The following MEIKIN variants were observed in gnomAD, a reference collection of about 807,000 sequenced individuals.
The protein encoded by MEIKIN is meiotic kinetochore factor, also known as meiosis-specific kinetochore protein.
chr5:131,896,245 G>A (rs920915928), intron 8 of MEIKIN, among the ~76,000 whole-genome samples: 1 of 152,196 alleles, frequency 6.6e-6, no homozygotes, highest in Non-Finnish European at 1.5e-5. Context: ...ACTGTGGTCT[G>A]AGAGACAGTT....
At chr5:131,829,311 C>T (rs1337923393) in intron 11 of MEIKIN, among the ~76,000 whole-genome samples, 1 of 152,140 alleles carries the variant, frequency 6.6e-6, no homozygotes, top group African/African-American at 2.4e-5. Context: ...ATTTCTATAA[C>T]ACGTACCCTT....
intron 11 of MEIKIN, among the ~76,000 whole-genome samples, chr5:131,825,650 A>C (rs1312653739): frequency 6.6e-6 from 1 of 152,208 alleles, no homozygotes; most frequent in Non-Finnish European, 1.5e-5. Context: ...CGGCATCAAA[A>C]ACAAGTATTT....
At position 131,939,762 on chromosome 5, in the gene MEIKIN, C is replaced by T. The variant is rs577463854; in HGVS notation, c.349+2873G>A. On this transcript the variant is annotated intron_variant, in intron 4 of 12. Transcript: ENST00000442687. ...AATCAGCAAATGAACTCTCAGAATA[C>T]AAGCAGTTTGTAAGTTAGAGACAAC... 1.3e-3 allele frequency among the ~76,000 whole-genome samples: 194 copies of T among 152,276 alleles called. 1 individual carries two copies. The highest frequency in any genetic ancestry group is 4.5e-3 in the African/African-American group (186 of 41,562).
At chr5:131,831,277 T>C (rs1749711531) in intron 11 of MEIKIN, among the ~76,000 whole-genome samples, 1 of 152,202 alleles carries the variant, frequency 6.6e-6, no homozygotes, top group Non-Finnish European at 1.5e-5. Flanking sequence ...TGGCCAGGCA[T>C]GGTGGCTCAC....
intron 8 of MEIKIN, among the ~76,000 whole-genome samples, chr5:131,900,055 A>G (rs1347508058): frequency 2.6e-5 from 4 of 152,244 alleles, no homozygotes; most frequent in Non-Finnish European, 4.4e-5. Flanking sequence ...TCCTCAGCAC[A>G]TGGATCAGTC....
chr5:131,866,271 A>G (rs1354732314), intron 9 of MEIKIN, among the ~76,000 whole-genome samples: 1 of 152,134 alleles, frequency 6.6e-6, no homozygotes, highest in Non-Finnish European at 1.5e-5. Context: ...CTGATCTCAG[A>G]CCCTGGGAAG....
intron 11 of MEIKIN, among the ~76,000 whole-genome samples, chr5:131,845,421 C>T (rs1271943521): frequency 6.7e-6 from 1 of 150,018 alleles, no homozygotes; most frequent in African/African-American, 2.4e-5. Flanking sequence ...AAGTATGGTA[C>T]ATTCAAATGG....
At chr5:131,809,042 G>A (rs1224326061) in intron 12 of MEIKIN, among the ~76,000 whole-genome samples, 2 of 146,078 alleles carry the variant, frequency 1.4e-5, no homozygotes, top group Non-Finnish European at 1.5e-5. Context: ...CAGCATGGGC[G>A]ACAGAGCAAC....
chr5:131,862,742 G>C (rs1010330450), intron 9 of MEIKIN, among the ~76,000 whole-genome samples: 1 of 152,018 alleles, frequency 6.6e-6, no homozygotes, highest in Admixed American at 6.6e-5. Flanking sequence ...TGTCACCCAG[G>C]CTAGAGTGCA....
intron 8 of MEIKIN, among the ~76,000 whole-genome samples, chr5:131,880,399 G>A (rs1013422826): frequency 3.0e-5 from 3 of 100,658 alleles, no homozygotes; most frequent in African/African-American, 8.2e-5. Context: ...CAACGTGCCC[G>A]GCCTATTTTT....
intron 5 of MEIKIN, among the ~76,000 whole-genome samples, chr5:131,931,074 T>C (rs1751681346): frequency 6.6e-6 from 1 of 152,148 alleles, no homozygotes; most frequent in Non-Finnish European, 1.5e-5. Flanking sequence ...CATTAGAAAA[T>C]AACAGCCACT....
chr5:131,826,868 T>C (rs749725774), intron 11 of MEIKIN, among the ~76,000 whole-genome samples: 1 of 152,210 alleles, frequency 6.6e-6, no homozygotes, highest in Non-Finnish European at 1.5e-5. Context: ...CTTTTCTTTA[T>C]AAATTACCTG....
chr5:131,824,329 G>A (rs1283741067), intron 11 of MEIKIN, among the ~76,000 whole-genome samples: 1 of 151,540 alleles, frequency 6.6e-6, no homozygotes. Flanking sequence ...AGCCTAGGCA[G>A]CATAGTGAGA....
intron 11 of MEIKIN, among the ~76,000 whole-genome samples, chr5:131,824,243 G>A (rs1407720421): frequency 6.6e-6 from 1 of 152,046 alleles, no homozygotes; most frequent in Non-Finnish European, 1.5e-5. Flanking sequence ...GGCCAGGCGT[G>A]GTGGCTCACA....
At chr5:131,831,009 T>A (rs948138297) in intron 11 of MEIKIN, among the ~76,000 whole-genome samples, 1 of 152,114 alleles carries the variant, frequency 6.6e-6, no homozygotes, top group Non-Finnish European at 1.5e-5. Context: ...GTGATTCTCC[T>A]GCCTCAGCCT....
chr5:131,891,190 T>C (rs1750909894), intron 8 of MEIKIN, among the ~76,000 whole-genome samples: 1 of 152,196 alleles, frequency 6.6e-6, no homozygotes, highest in South Asian at 2.1e-4. Context: ...GAATGTATAT[T>C]CTGTTGATTT....
intron 5 of MEIKIN, among the ~76,000 whole-genome samples, chr5:131,922,413 C>A (rs1751520492): frequency 6.6e-6 from 1 of 151,466 alleles, no homozygotes; most frequent in Non-Finnish European, 1.5e-5. Context: ...CTAAACAATA[C>A]AGTATAACAA....
intron 11 of MEIKIN, among the ~76,000 whole-genome samples, chr5:131,836,229 T>C (rs917126648): frequency 5.3e-5 from 8 of 152,066 alleles, no homozygotes; most frequent in African/African-American, 1.9e-4. Context: ...CATGATCTCA[T>C]TCTTTTTTTA....
chr5:131,936,996 T>A (rs1420263220), intron 4 of MEIKIN, among the ~76,000 whole-genome samples: 1 of 152,212 alleles, frequency 6.6e-6, no homozygotes, highest in Admixed American at 6.5e-5. Flanking sequence ...TAAAAAAGTA[T>A]AGCTATTGGA....
Sources: gnomAD v4.1 joint callset for allele counts (sites outside exome capture counted in the v4.1 genomes callset) on GRCh38, gnomAD v4.1.1 for gene constraint, MANE v1.5 for transcripts, NCBI Gene and HGNC (gene_info 2026-07-23, HGNC 2026-07-21) for gene names.